The following BICDL1 variants were observed in gnomAD, a reference collection of about 807,000 sequenced individuals.
BICDL1 encodes the protein BICD family-like cargo adapter 1.
Under a neutral mutation model 76.8 loss-of-function variants are expected in BICDL1, and 20 were observed. The observed-to-expected ratio is 0.26, with a 90% CI of 0.18 to 0.38. BICDL1 has a LOEUF of 0.38. Ranked by LOEUF, BICDL1 falls within the 10% of genes least tolerant of loss-of-function variation. The probability of loss-of-function intolerance (pLI) is 1.00; values close to 1 mark genes in which losing one functional copy is unlikely to be tolerated. For missense variants in BICDL1, 700 were observed against 798.6 expected, an observed-to-expected ratio of 0.88 and a Z score of 1.49; for synonymous variants, 383 against 337.1, an observed-to-expected ratio of 1.14 and a Z score of -1.49.
chr12:120,070,147 G>A (rs1203092657), intron 4 of BICDL1, among the ~76,000 whole-genome samples: 1 of 152,134 alleles, frequency 6.6e-6, no homozygotes, highest in African/African-American at 2.4e-5. Context: ...AGCTAAAAGT[G>A]GAATTGCTGG....
intron 2 of BICDL1, among the ~76,000 whole-genome samples, chr12:120,006,812 C>T (rs902027668): frequency 4.6e-5 from 7 of 152,036 alleles, no homozygotes; most frequent in African/African-American, 1.7e-4. Flanking sequence ...GGGTTTTAGT[C>T]AGTGTGCTGG....
chr12:120,080,853 A>G (rs1401671651), intron 7 of BICDL1, 34 bp from the exon 8 acceptor site: 2 of 1,607,112 alleles, frequency 1.2e-6, no homozygotes, highest in Non-Finnish European at 1.7e-6. Flanking sequence ...CACCCAGGAC[A>G]GCAGCAGTGA....
intron 7 of BICDL1, among the ~76,000 whole-genome samples, chr12:120,076,113 C>T (rs763397690): frequency 4.6e-5 from 7 of 152,208 alleles, no homozygotes; most frequent in South Asian, 4.1e-4. Context: ...GAGTTGAGAT[C>T]GTGCCACTAC....
chr12:120,066,042 G>A (rs1230785772), intron 4 of BICDL1, among the ~76,000 whole-genome samples: 1 of 152,200 alleles, frequency 6.6e-6, no homozygotes, highest in Non-Finnish European at 1.5e-5. Context: ...AGATGGAAAA[G>A]AATTTGCTCA....
At chr12:119,994,393 TC>T (rs1432906885) in intron 1 of BICDL1, among the ~76,000 whole-genome samples, 1 of 151,642 alleles carries the variant, frequency 6.6e-6, no homozygotes, top group African/African-American at 2.4e-5. Flanking sequence ...GTTTTTTGGT[TC>T]TTTTTTTTTT....
chr12:120,033,952 A>G (rs1045156102), intron 2 of BICDL1, among the ~76,000 whole-genome samples: 1 of 152,122 alleles, frequency 6.6e-6, no homozygotes, highest in Admixed American at 6.5e-5. Flanking sequence ...TTTTTTCTCC[A>G]TATTGACAAG....
At chr12:120,086,400 T>A (rs1874417639) in intron 8 of BICDL1, among the ~76,000 whole-genome samples, 1 of 152,258 alleles carries the variant, frequency 6.6e-6, no homozygotes, top group Non-Finnish European at 1.5e-5. Context: ...TTATCTCTGA[T>A]TCTCCATCCT....
At chr12:120,091,184 C>T (rs1034696415) in intron 9 of BICDL1, 20 of 1,199,120 alleles carry the variant, frequency 1.7e-5, no homozygotes, top group Non-Finnish European at 2.0e-5. Flanking sequence ...ATCACAGTCG[C>T]GTCCAGTGAG....
Position 120,080,883 on chromosome 12 carries a change from T to C in BICDL1, c.1453-4T>C, listed in dbSNP as rs769478476. Reference sequence around the variant, plus strand: ...CAGTGATACCATATTCATTCTCCTGTTAGGTGACACTGCTGAGTGTGGAGA... The same window carrying C: ...CAGTGATACCATATTCATTCTCCTGCTAGGTGACACTGCTGAGTGTGGAGA... On this transcript the variant is annotated splice_polypyrimidine_tract_variant and splice_region_variant and intron_variant, in intron 7 of 9. Transcript: ENST00000548673. The C allele has an allele frequency of 6.2e-7, 1 of 1,612,544 alleles. No individual in the cohort carries two copies. Among genetic ancestry groups the C allele is most frequent in the African/African-American group, 1.3e-5 (1 of 74,904 alleles).
intron 2 of BICDL1, among the ~76,000 whole-genome samples, chr12:120,058,589 T>A (rs1953032276): frequency 6.6e-6 from 1 of 151,174 alleles, no homozygotes; most frequent in African/African-American, 2.4e-5. Context: ...AAAATTTTTT[T>A]CTTTTTTTTT....
chr12:120,060,233 G>A (rs1263985662), intron 2 of BICDL1, among the ~76,000 whole-genome samples: 1 of 152,208 alleles, frequency 6.6e-6, no homozygotes, highest in East Asian at 1.9e-4. Flanking sequence ...TGATTGAGAA[G>A]TCTAAAACAG....
intron 8 of BICDL1, among the ~76,000 whole-genome samples, chr12:120,088,697 T>C (rs1264341067): frequency 2.0e-5 from 3 of 147,984 alleles, no homozygotes; most frequent in Non-Finnish European, 3.0e-5. Context: ...GACGGAGTCT[T>C]GTTCTGTCAC....
In BICDL1 at chr12:120,093,022, A is replaced by G. The variant is rs1436003213; in HGVS notation, c.1727A>G (p.Asp576Gly). 6.3e-7 allele frequency: 1 copy of G among 1,579,242 alleles called. No individual in the cohort carries two copies. Among genetic ancestry groups the G allele is most frequent in the Admixed American group, 1.8e-5 (1 of 56,452 alleles). Reference sequence around the variant, plus strand: ...CAGGATGACATGCACAGGGTCATTGACCGGCAGCTGATGGACACGCACCTG... The same window carrying G: ...CAGGATGACATGCACAGGGTCATTGGCCGGCAGCTGATGGACACGCACCTG... Reference protein sequence around the residue: ...AWQDDMHRVIDRQLMDTHLKE... With the variant: ...AWQDDMHRVIGRQLMDTHLKE... The change falls in exon 10 of 10, where the codon GAC (aspartate) becomes GGC (glycine). Residue 576 changes from aspartate to glycine, a missense_variant. Asp to Gly is a moderately conservative substitution (Grantham distance 94, BLOSUM62 -1). Transcript: ENST00000548673.
At chr12:120,011,159 C>G (rs1448825246) in intron 2 of BICDL1, among the ~76,000 whole-genome samples, 1 of 152,168 alleles carries the variant, frequency 6.6e-6, no homozygotes, top group Non-Finnish European at 1.5e-5. Flanking sequence ...CAACAGGTGA[C>G]TTCTAAGGTC....
chr12:120,093,089 C>T lies in BICDL1; in HGVS notation c.1794C>T (p.His598=), dbSNP rs1267047498. ...SQPAAALCRG[H]SAGRGDEPSI... is the part of the protein sequence containing the mutation. ...CGGCTGCTGCCCTCTGCAGGGGCCA[C>T]AGCGCTGGGCGGGGGGATGAGCCCA... The change falls in exon 10 of 10, where the codon CAC becomes CAT. Residue 598 remains histidine (H), a synonymous_variant. Transcript: ENST00000548673. 4 of 1,611,598 alleles carry T rather than the reference C, an allele frequency of 2.5e-6. No individual in the cohort carries two copies. Among genetic ancestry groups the T allele is most frequent in the Non-Finnish European group, 3.4e-6 (4 of 1,178,786 alleles).
At chr12:120,058,393 T>C (rs1953027526) in intron 2 of BICDL1, among the ~76,000 whole-genome samples, 1 of 152,110 alleles carries the variant, frequency 6.6e-6, no homozygotes, top group Non-Finnish European at 1.5e-5. Context: ...CCTCGGTGCA[T>C]CTCTGCGGCT....
chr12:120,055,031 G>T (rs1952946349), intron 2 of BICDL1, among the ~76,000 whole-genome samples: 1 of 152,164 alleles, frequency 6.6e-6, no homozygotes, highest in African/African-American at 2.4e-5. Flanking sequence ...CCCATATTCT[G>T]CAGTGGGATT....
intron 2 of BICDL1, among the ~76,000 whole-genome samples, chr12:120,004,570 G>T (rs796751120): frequency 4.6e-5 from 7 of 152,290 alleles, no homozygotes; most frequent in African/African-American, 1.7e-4. Context: ...TGGAGGAATG[G>T]TCTAAATATT....
intron 2 of BICDL1, among the ~76,000 whole-genome samples, chr12:120,032,219 A>G (rs1952438190): frequency 6.6e-6 from 1 of 152,272 alleles, no homozygotes; most frequent in Non-Finnish European, 1.5e-5. Context: ...AAATGAGTCC[A>G]GAATAAGTTG....
Sources: gnomAD v4.1 joint callset for allele counts (sites outside exome capture counted in the v4.1 genomes callset) on GRCh38, gnomAD v4.1.1 for gene constraint, MANE v1.5 for transcripts, NCBI Gene and HGNC (gene_info 2026-07-23, HGNC 2026-07-21) for gene names.